Variants in ANK2 observed in about 807,000 individuals in gnomAD.
The protein encoded by ANK2 is ankyrin 2.
ANK2 carries 83 observed loss-of-function variants against 360.5 expected under a neutral mutation model. That is an observed-to-expected ratio of 0.23 (90% confidence interval 0.19 to 0.28). The LOEUF (loss-of-function observed/expected upper bound fraction) is 0.28. Ranked by LOEUF, ANK2 falls within the 10% of genes least tolerant of loss-of-function variation. The pLI is 1.00. For synonymous variants in ANK2, 1,740 were observed against 1,759.5 expected, an observed-to-expected ratio of 0.99 and a Z score of 0.28; for missense variants, 4,201 against 4,795.7, an observed-to-expected ratio of 0.88 and a Z score of 3.66.
intron 42 of ANK2, 146 bp from the exon 43 acceptor site, chr4:113,369,368 G>A: frequency 1.2e-6 from 1 of 822,618 alleles, no homozygotes; most frequent in South Asian, 1.4e-5. Context: ...TTCTTCAAAT[G>A]TCCTTTCTTG....
chr4:113,064,294 C>T (rs908202294), intron 1 of ANK2, among the ~76,000 whole-genome samples: 1 of 152,188 alleles, frequency 6.6e-6, no homozygotes, highest in African/African-American at 2.4e-5. Context: ...ACCTCATCAT[C>T]TCTGTGTACA....
intron 1 of ANK2, among the ~76,000 whole-genome samples, chr4:113,054,041 A>G (rs922849845): frequency 2.0e-5 from 3 of 152,340 alleles, no homozygotes; most frequent in South Asian, 2.1e-4. Context: ...GGTAATTTAC[A>G]TAATTGGAAA....
At chr4:113,222,150 G>C (rs2099158832) in intron 4 of ANK2, among the ~76,000 whole-genome samples, 1 of 152,178 alleles carries the variant, frequency 6.6e-6, no homozygotes, top group African/African-American at 2.4e-5. Flanking sequence ...CGAATGTAAA[G>C]TGCTTAGACT....
chr4:113,288,178 C>A (rs544976593), intron 19 of ANK2, among the ~76,000 whole-genome samples: 3 of 152,142 alleles, frequency 2.0e-5, no homozygotes, highest in Non-Finnish European at 4.4e-5. Flanking sequence ...TAGTTCTTTG[C>A]AGATTTTGTC....
intron 26 of ANK2, among the ~76,000 whole-genome samples, chr4:113,328,390 C>T (rs2091137852): frequency 6.6e-6 from 1 of 152,048 alleles, no homozygotes; most frequent in Non-Finnish European, 1.5e-5. Context: ...CCTAAGTATC[C>T]TACTCAAATA....
chr4:112,808,300 T>G, the ANK2 span, among the ~76,000 whole-genome samples: 1 of 152,104 alleles, frequency 6.6e-6, no homozygotes, highest in Non-Finnish European at 1.5e-5. Context: ...CGGAAGTGGG[T>G]GAGCAGGATG....
chr4:113,170,992 G>C (rs140147212), intron 1 of ANK2, among the ~76,000 whole-genome samples: 2 of 152,174 alleles, frequency 1.3e-5, no homozygotes, highest in Admixed American at 1.3e-4. Flanking sequence ...ACATAAAGCA[G>C]CAAAGCAGGG....
In ANK2 at chr4:113,358,432, G is replaced by A. The variant is rs376285844; in HGVS notation, c.9814G>A (p.Asp3272Asn). The A allele has an allele frequency of 1.9e-6, 3 of 1,614,080 alleles. No homozygotes were observed. The highest frequency in any genetic ancestry group is 2.2e-5 in the East Asian group (1 of 44,882). The change falls in exon 38 of 46, where the codon GAT becomes AAT. Residue 3272 changes from aspartate (D) to asparagine (N), a missense_variant. By Grantham distance (23) the Asp-to-Asn change is conservative. Coordinates refer to ENST00000357077, the MANE Select transcript of ANK2 (RefSeq NM_001148.6). ...TRSVYSDRGDDSPDSSPEEQK... is the reference protein window; with the variant it reads ...TRSVYSDRGDNSPDSSPEEQK... ...GTCTGTTTATTCAGATAGGGGTGATGATTCTCCCGATTCTTCCCCAGAAGA... is the reference window on the plus strand; with the variant it reads ...GTCTGTTTATTCAGATAGGGGTGATAATTCTCCCGATTCTTCCCCAGAAGA...
At chr4:112,760,943 A>G in the ANK2 span, among the ~76,000 whole-genome samples, 1 of 151,684 alleles carries the variant, frequency 6.6e-6, no homozygotes, top group Non-Finnish European at 1.5e-5. Context: ...AGTAGCTGGA[A>G]TTACAGGTGT....
chr4:112,933,392 A>C lies in ANK2; in HGVS notation c.21+28878A>C, dbSNP rs191678969. Among the ~76,000 whole-genome samples, 274 of 152,314 alleles carry C rather than the reference A, an allele frequency of 1.8e-3. 1 individual carries two copies. The highest frequency in any genetic ancestry group is 3.0e-3 in the Non-Finnish European group (204 of 68,036). On this transcript the variant is annotated intron_variant, in intron 2 of 30. Transcript: ENST00000503271. ...AGGTAGATATTCTGGTTTCTGATGC[A>C]CACTCTGTAGCTTTGGATATATCAC... is the stretch of plus-strand genomic sequence containing the variant.
rs2099394227 is a variant in ANK2, at chr4:113,237,677, C to G, written c.693+55C>G. The G allele has an allele frequency of 4.7e-6, 7 of 1,473,770 alleles. No homozygotes were observed. In the South Asian group the frequency reaches 7.9e-5, roughly 17 times the overall value. The allele number at this position is 1,473,770 out of a possible 1,614,324, so 91.3% of individuals were successfully genotyped here. ...CCTTGTCTTTATTTTTAGTTTTTGCCCAATTGGAATAAATGCTCACTAATT... is the reference window on the plus strand; with the variant it reads ...CCTTGTCTTTATTTTTAGTTTTTGCGCAATTGGAATAAATGCTCACTAATT... On this transcript the variant is annotated intron_variant, in intron 7 of 45. Coordinates refer to ENST00000357077, the MANE Select transcript of ANK2 (RefSeq NM_001148.6).
At chr4:112,813,860 C>T (rs187021984), upstream of ANK2, among the ~76,000 whole-genome samples, 1 of 152,148 alleles carries the variant, frequency 6.6e-6, no homozygotes, top group Non-Finnish European at 1.5e-5. Flanking sequence ...AGAAATAGGC[C>T]TCAATGCTGA....
chr4:113,031,871 G>A (rs757182111), intron 2 of ANK2, among the ~76,000 whole-genome samples: 6 of 151,738 alleles, frequency 4.0e-5, no homozygotes, highest in Non-Finnish European at 7.4e-5. Context: ...CTCTATGTGT[G>A]CTTTTCTTCT....
At chr4:113,223,754 A>C (rs573808742) in intron 4 of ANK2, among the ~76,000 whole-genome samples, 34 of 152,262 alleles carry the variant, frequency 2.2e-4, no homozygotes, top group Non-Finnish European at 4.6e-4. Flanking sequence ...ATTATCCCCA[A>C]ACTTAGTGGG....
chr4:112,729,217 G>C, the ANK2 span, among the ~76,000 whole-genome samples: 5 of 150,014 alleles, frequency 3.3e-5, no homozygotes, highest in Admixed American at 1.3e-4. Flanking sequence ...AACAAACAAA[G>C]AAACAGGAAC....
intron 22 of ANK2, among the ~76,000 whole-genome samples, chr4:113,299,963 T>C (rs1488846557): frequency 6.6e-6 from 1 of 152,114 alleles, no homozygotes; most frequent in African/African-American, 2.4e-5. Context: ...TTTTTAAATG[T>C]TTCTAATAAT....
At position 113,083,446 on chromosome 4, in the gene ANK2, A is replaced by G. The variant is rs574130516; in HGVS notation, c.84+33634A>G. Among the ~76,000 whole-genome samples, 4 of 152,312 alleles carry G rather than the reference A, an allele frequency of 2.6e-5. No individual in the cohort carries two copies. The South Asian group carries it at 8.3e-4, about 32-fold the overall frequency. ...CACTTCACCCTCCCAAAGCGCTAGG[A>G]TTACAGGCTTCAGCCACTGCACCTG... On this transcript the variant is annotated intron_variant, in intron 1 of 45. Coordinates refer to ENST00000357077, the MANE Select transcript of ANK2 (RefSeq NM_001148.6).
chr4:113,240,497 C>T lies in ANK2; in HGVS notation c.706C>T (p.Pro236Ser). Reference protein sequence around the residue: ...VNRTTESGFTPLHIAAHYGNV... With the variant: ...VNRTTESGFTSLHIAAHYGNV... The stretch of plus-strand genomic sequence containing the variant: ...TTTGCTTTCATAGAGTGGTTTTACC[C>T]CTTTGCACATAGCTGCACATTACGG... Residue 236 changes from proline to serine, a missense_variant, in exon 8 of 46, where the codon CCT (proline) becomes TCT (serine). Physicochemically the swap from Pro to Ser is moderately conservative, Grantham distance 74. Around this residue, in one of 4 missense-constraint regions of ANK2, gnomAD observed 122 missense variants for 239.3 expected, o/e 0.51. Transcript: ENST00000357077. The T allele has an allele frequency of 6.2e-7, 1 of 1,613,804 alleles. No individual in the cohort carries two copies. The highest frequency in any genetic ancestry group is 8.5e-7 in the Non-Finnish European group (1 of 1,179,798).
At chr4:113,225,936 C>G (rs2099214886) in intron 4 of ANK2, among the ~76,000 whole-genome samples, 1 of 152,026 alleles carries the variant, frequency 6.6e-6, no homozygotes, top group African/African-American at 2.4e-5. Flanking sequence ...AGCATGATTT[C>G]TATATTTGAA....
Sources: allele counts gnomAD v4.1 joint callset (sites outside exome capture counted in the v4.1 genomes callset), GRCh38; gene constraint gnomAD v4.1.1; regional missense constraint gnomAD v4.1.1; transcripts MANE v1.5; gene names NCBI Gene and HGNC (gene_info 2026-07-23, HGNC 2026-07-21).